Variants in IRF4 observed in about 807,000 individuals in gnomAD.
IRF4 encodes the protein interferon regulatory factor 4.
IRF4 carries 13 observed loss-of-function variants against 55.5 expected under a neutral mutation model. The observed-to-expected ratio is 0.23, with a 90% CI of 0.15 to 0.37. The LOEUF is 0.37. Among genes scored for constraint, IRF4 ranks in the 10% least tolerant of loss-of-function variants. The probability of loss-of-function intolerance (pLI) is 1.00; values close to 1 mark genes in which losing one functional copy is unlikely to be tolerated. For missense variants in IRF4, 397 were observed against 593.8 expected (o/e 0.67, Z 3.44); for synonymous variants, 249 against 240.7 (o/e 1.03, Z -0.32).
Position 409,116 on chromosome 6 carries a change from T to C in IRF4, c.*1518T>C, listed in dbSNP as rs1427227955. 4.6e-6 allele frequency: 1 copy of C among 216,766 alleles called. No homozygotes were observed. Among genetic ancestry groups the C allele is most frequent in the African/African-American group, 2.3e-5 (1 of 44,378 alleles). 13.4% of individuals were successfully genotyped at this position (216,766 alleles called of 1,614,324 possible). A position where few individuals can be genotyped will look rare whatever the true frequency, so the allele number is the denominator to read the frequency against. On this transcript the variant is annotated 3_prime_UTR_variant, in exon 9 of 9. Transcript: ENST00000380956. ...GCTCTCAAATGTGTGTTCCTGCTTT[T>C]CTAATGGATATTTTAAATTCATTCA... is the stretch of plus-strand genomic sequence containing the variant.
intron 6 of IRF4, among the ~76,000 whole-genome samples, chr6:400,061 C>T (rs954410980): frequency 3.9e-5 from 6 of 152,200 alleles, no homozygotes; most frequent in Admixed American, 2.6e-4. Context: ...AGAATCACCT[C>T]GAATGGCCAA....
At chr6:402,056 A>C (rs1761417087) in intron 7 of IRF4, among the ~76,000 whole-genome samples, 1 of 152,166 alleles carries the variant, frequency 6.6e-6, no homozygotes, top group Admixed American at 6.5e-5. Context: ...ATTTCATTGC[A>C]CTATGATCTC....
chr6:395,929 A>G lies in IRF4; in HGVS notation c.486A>G (p.Pro162=), dbSNP rs751600532. ...TGACAACGCCTTACCCTTCGCTCCC[A>G]GCCCAGGTATGGTGGAGGGCACTGG... is the stretch of plus-strand genomic sequence containing the variant. ...YTMTTPYPSL[P]AQQVHNYMMP... is the part of the protein sequence containing the mutation. Residue 162 remains proline, a synonymous_variant, in exon 4 of 9, where the codon CCA becomes CCG. Coordinates refer to ENST00000380956, the MANE Select transcript of IRF4 (RefSeq NM_002460.4). 7.4e-6 allele frequency: 12 copies of G among 1,612,702 alleles called. No homozygotes were observed. In the African/African-American group the frequency reaches 1.2e-4, roughly 16 times the overall value.
At chr6:396,886 C>G (rs1347589940) in intron 4 of IRF4, among the ~76,000 whole-genome samples, 2 of 110,812 alleles carry the variant, frequency 1.8e-5, no homozygotes, top group Non-Finnish European at 3.5e-5. Flanking sequence ...TCAGCCTCTC[C>G]TGCACTCCTT....
chr6:392,008 C>G (rs1761115023), intron 1 of IRF4, 199 bp downstream of exon 1: 3 of 368,210 alleles, frequency 8.1e-6, no homozygotes, highest in Non-Finnish European at 1.1e-5. Context: ...CTCCAAGGCC[C>G]GCCTCCTTGG....
intron 3 of IRF4, among the ~76,000 whole-genome samples, chr6:395,466 T>A (rs1761227899): frequency 6.6e-6 from 1 of 152,166 alleles, no homozygotes; most frequent in African/African-American, 2.4e-5. Context: ...AAAGTCAGAT[T>A]CCTGGACCCC....
rs1761628333 is a variant in IRF4, at chr6:409,206, T to C, written c.*1608T>C. The C allele has an allele frequency of 9.8e-6, 2 of 203,532 alleles. No homozygotes were observed. Among genetic ancestry groups the C allele is most frequent in the Non-Finnish European group, 1.0e-5 (1 of 99,032 alleles). The allele number at this position is 203,532 out of a possible 1,614,324, so 12.6% of individuals were successfully genotyped here. A position where few individuals can be genotyped will look rare whatever the true frequency, so the allele number is the denominator to read the frequency against. On this transcript the variant is annotated 3_prime_UTR_variant, in exon 9 of 9. Coordinates refer to ENST00000380956, the MANE Select transcript of IRF4 (RefSeq NM_002460.4). ...ACAGTTCAGCCTTTATCAAGCTTAG[T>C]GAGCAGTGAGCACTGAAACATTATT...
rs1172295945 is a variant in IRF4, at chr6:410,308, T to G, written c.*2710T>G. 2 of 227,002 alleles carry G rather than the reference T, an allele frequency of 8.8e-6. No individual in the cohort carries two copies. Among genetic ancestry groups the G allele is most frequent in the Non-Finnish European group, 1.8e-5 (2 of 114,018 alleles). 14.1% of individuals were successfully genotyped at this position (227,002 alleles called of 1,614,324 possible). ...ATTTAGGAAAACCTCAAGCAGTAAT[T>G]AATATCTCCTGGAACACTATAGAGA... On this transcript the variant is annotated 3_prime_UTR_variant, in exon 9 of 9. Coordinates refer to ENST00000380956, the MANE Select transcript of IRF4 (RefSeq NM_002460.4).
rs773116875 is a variant in IRF4 at position 393,350 on chromosome 6, G to A, written c.198G>A (p.Glu66=). Residue 66 remains glutamate, a synonymous_variant, in exon 2 of 9, where the codon GAG becomes GAA. Coordinates refer to ENST00000380956, the MANE Select transcript of IRF4 (RefSeq NM_002460.4). This position sits in a 1 kb window ranked among gnomAD's most constrained non-coding sequence, Gnocchi z 5.4. ...HAGKQDYNRE[E]DAALFKAWAL... is the part of the protein sequence containing the mutation. ...GCAAGCAGGACTACAACCGCGAGGA[G>A]GACGCCGCGCTCTTCAAGGTCTCCG... The A allele has an allele frequency of 6.2e-7, 1 of 1,601,262 alleles. No homozygotes were observed.
rs1193969954 is a variant in IRF4 at position 407,165 on chromosome 6, T to C, written c.1213-290T>C. Among the ~76,000 whole-genome samples, 45 of 152,228 alleles carry C rather than the reference T, an allele frequency of 3.0e-4. 1 individual carries two copies. Among genetic ancestry groups the C allele is most frequent in the Non-Finnish European group, 2.9e-5 (2 of 68,028 alleles). ...CTTCCTTTTAATTTGATCACTTTAC[T>C]TGATTTGATGCAGTTTTAGTTAAAT... On this transcript the variant is annotated intron_variant, in intron 8 of 8. Transcript: ENST00000380956.
intron 6 of IRF4, 35 bp from the exon 7 acceptor site, chr6:401,389 C>A: frequency 2.6e-6 from 4 of 1,538,130 alleles, no homozygotes; most frequent in South Asian, 2.3e-5. Context: ...GTGTCCTTGG[C>A]CCCCAGCACT....
At chr6:401,351 G>A in intron 6 of IRF4, 73 bp from the exon 7 acceptor site, 1 of 1,142,946 alleles carries the variant, frequency 8.7e-7, no homozygotes, top group Non-Finnish European at 1.3e-6. Context: ...CAGGTGCTTG[G>A]CTCTGTGGAG....
intron 8 of IRF4, among the ~76,000 whole-genome samples, chr6:406,599 T>C (rs1355967132): frequency 6.6e-6 from 1 of 152,040 alleles, no homozygotes; most frequent in Non-Finnish European, 1.5e-5. Flanking sequence ...CAATCCAGTT[T>C]TAAAGTTGAC....
Position 410,990 on chromosome 6 carries a change from A to T in IRF4, c.*3392A>T. On this transcript the variant is annotated 3_prime_UTR_variant, in exon 9 of 9. Transcript: ENST00000380956. ...ATAGCCTGTTACAGGAATGAAGTAAAGGTCAGTTTTTTTTTGTATTGATTT... is the reference window on the plus strand; with the variant it reads ...ATAGCCTGTTACAGGAATGAAGTAATGGTCAGTTTTTTTTTGTATTGATTT... 1 of 140,362 alleles carries T rather than the reference A, an allele frequency of 7.1e-6. No individual in the cohort carries two copies. 8.7% of individuals were successfully genotyped at this position (140,362 alleles called of 1,614,324 possible). A position where few individuals can be genotyped will look rare whatever the true frequency, so the allele number is the denominator to read the frequency against.
intron 8 of IRF4, 82 bp downstream of exon 8, chr6:405,212 G>A: frequency 1.3e-6 from 1 of 782,230 alleles, no homozygotes; most frequent in Non-Finnish European, 2.2e-6. Context: ...AGTCCCAAAT[G>A]AAAAGTAAAT....
rs368905689 is a variant in IRF4 at position 393,775 on chromosome 6, C to T, written c.216+407C>T. On this transcript the variant is annotated intron_variant, in intron 2 of 8. Coordinates refer to ENST00000380956, the MANE Select transcript of IRF4 (RefSeq NM_002460.4). The surrounding 1 kb of genome is among the most constrained non-coding windows in gnomAD (Gnocchi z 5.4). ...CCCTCTCCGTGCGTCCGCGCCTGTG[C>T]CGGCGGCTGTTTTCGTCTCTCACCG... Among the ~76,000 whole-genome samples, 88 of 152,330 alleles carry T rather than the reference C, an allele frequency of 5.8e-4. 3 individuals are homozygous for T. In the South Asian group the frequency reaches 0.018, roughly 30 times the overall value.
At chr6:395,247 G>GGT (rs1761222879) in intron 3 of IRF4, among the ~76,000 whole-genome samples, 1 of 149,892 alleles carries the variant, frequency 6.7e-6, no homozygotes, top group African/African-American at 2.5e-5. Flanking sequence ...ATGGGGGGGG[G>GGT]TGCATTGAAT....
At chr6:397,077 T>G (rs905794314) in intron 4 of IRF4, 31 bp from the exon 5 acceptor site, 3 of 1,611,896 alleles carry the variant, frequency 1.9e-6, no homozygotes, top group African/African-American at 1.3e-5. Context: ...TGCCAGTGCT[T>G]CTTATCTCAG....
At chr6:401,137 A>G (rs1270078077) in intron 6 of IRF4, among the ~76,000 whole-genome samples, 1 of 152,230 alleles carries the variant, frequency 6.6e-6, no homozygotes. Flanking sequence ...TTAAAAAAAG[A>G]GTCGGTGGCC....
Sources: allele counts gnomAD v4.1 joint callset (sites outside exome capture counted in the v4.1 genomes callset), GRCh38; gene constraint gnomAD v4.1.1; non-coding constraint Gnocchi (gnomAD v3.1); transcripts MANE v1.5; gene names NCBI Gene and HGNC (gene_info 2026-07-23, HGNC 2026-07-21).